The following GLE1 variants were observed in gnomAD, a reference collection of about 807,000 sequenced individuals.
GLE1 encodes mRNA export factor GLE1.
In GLE1, 78 loss-of-function variants were observed where a neutral mutation model predicts 97.3. The observed-to-expected ratio is 0.80, with a 90% CI of 0.67 to 0.97. GLE1 has a LOEUF of 0.97. Ranked by LOEUF, GLE1 falls within the 50% of genes least tolerant of loss-of-function variation. GLE1 has a pLI of 0.00. For missense variants in GLE1, 753 were observed against 857.5 expected (o/e 0.88, Z 1.52); for synonymous variants, 302 against 313.4 (o/e 0.96, Z 0.39).
intron 2 of GLE1, among the ~76,000 whole-genome samples, chr9:128,512,626 C>T (rs1221520505): frequency 1.3e-5 from 2 of 151,854 alleles, no homozygotes; most frequent in Non-Finnish European, 2.9e-5. Flanking sequence ...CAGTGGACTT[C>T]AGTGTCTTTA....
chr9:128,524,072 C>CTTTTTTTTTTTTTTTTTTTTTTTTTT (rs67466089), intron 6 of GLE1, among the ~76,000 whole-genome samples: 1 of 69,954 alleles, frequency 1.4e-5, no homozygotes, highest in Non-Finnish European at 2.3e-5. Flanking sequence ...ATTCTGGAGT[C>CTTTTTTTTTTTTTTTTTTTTTTTTTT]TTTTTTTTTT....
intron 4 of GLE1, 85 bp downstream of exon 4, chr9:128,522,901 G>T: frequency 6.8e-7 from 1 of 1,476,962 alleles, no homozygotes; most frequent in South Asian, 1.1e-5. Context: ...GGAAAGAGTT[G>T]AACAACTTCT....
At chr9:128,517,236 G>A (rs1847015699) in intron 3 of GLE1, among the ~76,000 whole-genome samples, 1 of 151,832 alleles carries the variant, frequency 6.6e-6, no homozygotes, top group Non-Finnish European at 1.5e-5. Flanking sequence ...GTGGCAGTGA[G>A]CCAAGATTGT....
chr9:128,520,494 G>A (rs1274456759), intron 3 of GLE1, among the ~76,000 whole-genome samples: 2 of 150,638 alleles, frequency 1.3e-5, no homozygotes, highest in African/African-American at 2.4e-5. Context: ...TTGGCTCTTG[G>A]CTGTTTTGAT....
rs1332115012 is a variant in GLE1, at chr9:128,508,878, T to C, written c.102T>C (p.Asp34=). 2 of 1,559,070 alleles carry C rather than the reference T, an allele frequency of 1.3e-6. No homozygotes were observed. Among genetic ancestry groups the C allele is most frequent in the Non-Finnish European group, 1.8e-6 (2 of 1,129,872 alleles). ...YYRDWLLRRE[D]VLEECMSLPK... ...CTTAACCCTATTCTTTTCTCTAGGA[T>C]GTTTTAGAAGAATGTATGTCTCTTC... Residue 34 remains aspartate (D), a splice_region_variant and synonymous_variant, in exon 2 of 16, where the codon GAT becomes GAC. Transcript: ENST00000309971.
At chr9:128,509,794 C>A (rs1218971877) in intron 2 of GLE1, among the ~76,000 whole-genome samples, 1 of 151,620 alleles carries the variant, frequency 6.6e-6, no homozygotes, top group Non-Finnish European at 1.5e-5. Flanking sequence ...CCTTGTCTCT[C>A]CAAAATACTT....
chr9:128,521,562 A>G (rs1305625533), intron 3 of GLE1, among the ~76,000 whole-genome samples: 1 of 152,196 alleles, frequency 6.6e-6, no homozygotes, highest in East Asian at 1.9e-4. Flanking sequence ...AAAATAAAAT[A>G]TAATTATGTT....
At chr9:128,526,082 C>T (rs1003391219) in intron 7 of GLE1, among the ~76,000 whole-genome samples, 12 of 151,560 alleles carry the variant, frequency 7.9e-5, no homozygotes, top group African/African-American at 1.5e-4. Context: ...ATTGCAGTGG[C>T]GCGATCTTGG....
chr9:128,507,286 C>T (rs568484086), intron 1 of GLE1, among the ~76,000 whole-genome samples: 1 of 152,144 alleles, frequency 6.6e-6, no homozygotes, highest in African/African-American at 2.4e-5. Flanking sequence ...TGCTTGAGGC[C>T]AGTTCAAGCT....
At chr9:128,533,065 T>G (rs1847569938) in intron 9 of GLE1, among the ~76,000 whole-genome samples, 1 of 152,146 alleles carries the variant, frequency 6.6e-6, no homozygotes, top group African/African-American at 2.4e-5. Context: ...CAGTAAGGGA[T>G]ACTGTTTATC....
At chr9:128,509,651 C>CAAAA (rs200898903) in intron 2 of GLE1, among the ~76,000 whole-genome samples, 1 of 126,054 alleles carries the variant, frequency 7.9e-6, no homozygotes, top group African/African-American at 2.8e-5. Flanking sequence ...CTCCTAAACG[C>CAAAA]AAAAAAAAAA....
chr9:128,529,494 A>T (rs1358675371), intron 9 of GLE1, among the ~76,000 whole-genome samples: 1 of 151,778 alleles, frequency 6.6e-6, no homozygotes, highest in Non-Finnish European at 1.5e-5. Context: ...CCTCTCTCTC[A>T]GCCTGTAAAT....
Position 128,540,287 on chromosome 9 carries a change from C to T in GLE1, c.1977C>T (p.Ile659=). 2 of 1,606,666 alleles carry T rather than the reference C, an allele frequency of 1.2e-6. No individual in the cohort carries two copies. Among genetic ancestry groups the T allele is most frequent in the South Asian group, 2.2e-5 (2 of 90,882 alleles). ...KEDYFPRIEA[I]TSSGQMGSFI... ...TCTCTCCCTGTAGAATTGAAGCTAT[C>T]ACAAGCTCAGGACAGATGGGCTCCT... Residue 659 remains isoleucine (I), a synonymous_variant, in exon 15 of 16, where the codon ATC becomes ATT. Coordinates refer to ENST00000309971, the MANE Select transcript of GLE1 (RefSeq NM_001003722.2).
rs994582379 is a variant in GLE1, at chr9:128,541,097, A to G, written c.2029-5A>G. The G allele has an allele frequency of 5.9e-6, 9 of 1,526,040 alleles. No homozygotes were observed. In the African/African-American group the frequency reaches 1.1e-4, roughly 19 times the overall value. 94.5% of individuals were successfully genotyped at this position (1,526,040 alleles called of 1,614,324 possible). On this transcript the variant is annotated splice_polypyrimidine_tract_variant and splice_region_variant and intron_variant, in intron 15 of 15. Transcript: ENST00000309971. ...ATTCTGTTTTCTTCATCTTTCCCTG[A>G]CCAGAAATGTTTGCAACACAAGGAC...
At chr9:128,522,881 A>T in intron 4 of GLE1, 65 bp downstream of exon 4, 4 of 1,571,252 alleles carry the variant, frequency 2.5e-6, no homozygotes, top group Non-Finnish European at 3.5e-6. Flanking sequence ...TCCCAAGAGG[A>T]ATTCCAAAGG....
chr9:128,515,786 T>C, intron 3 of GLE1, 147 bp downstream of exon 3: 1 of 666,230 alleles, frequency 1.5e-6, no homozygotes. Flanking sequence ...AGGTCAGGAG[T>C]GAGTGCTCTG....
chr9:128,523,591 G>A lies in GLE1; in HGVS notation c.643-1G>A. Reference sequence around the variant, plus strand: ...AGAAGTCACTCAGCCCTTTTCTACAGATTCTCAACCTGAAGCTGCGGGAAG... The same window carrying A: ...AGAAGTCACTCAGCCCTTTTCTACAAATTCTCAACCTGAAGCTGCGGGAAG... On this transcript the variant is annotated splice_acceptor_variant, in intron 5 of 15. Transcript: ENST00000309971. LOFTEE classifies it high-confidence loss of function. 1.2e-6 allele frequency: 2 copies of A among 1,614,026 alleles called. No homozygotes were observed. The highest frequency in any genetic ancestry group is 4.5e-5 in the East Asian group (2 of 44,888).
At chr9:128,534,821 T>C (rs920064630) in intron 11 of GLE1, among the ~76,000 whole-genome samples, 19 of 151,762 alleles carry the variant, frequency 1.3e-4, no homozygotes, top group African/African-American at 4.6e-4. Flanking sequence ...TGGGTTCAAG[T>C]GATTATCCTG....
chr9:128,534,063 C>T, intron 11 of GLE1, 112 bp downstream of exon 11: 1 of 804,182 alleles, frequency 1.2e-6, no homozygotes, highest in Non-Finnish European at 2.2e-6. Flanking sequence ...CTTGAATGTT[C>T]TATCAGAAAT....
Sources: gnomAD v4.1 joint callset for allele counts (sites outside exome capture counted in the v4.1 genomes callset) on GRCh38, gnomAD v4.1.1 for gene constraint, MANE v1.5 for transcripts, NCBI Gene and HGNC (gene_info 2026-07-23, HGNC 2026-07-21) for gene names.